NCAM2: variants seen among roughly 807,000 people sequenced by gnomAD.
NCAM2 encodes neural cell adhesion molecule 2.
NCAM2 carries 30 observed loss-of-function variants against 98.1 expected under a neutral mutation model. The observed-to-expected ratio is 0.31, with a 90% confidence interval of 0.23 to 0.41. The LOEUF is 0.41. Among genes scored for constraint, NCAM2 ranks in the 10% least tolerant of loss-of-function variants. The pLI, the probability that NCAM2 is intolerant of heterozygous loss-of-function variation, is 1.00. For missense variants in NCAM2, 867 were observed against 1,005.8 expected (o/e 0.86, Z 1.87); for synonymous variants, 368 against 342.4 (o/e 1.07, Z -0.83).
intron 7 of NCAM2, 127 bp from the exon 8 acceptor site, chr21:21,338,262 A>G (rs1460444307): frequency 3.5e-6 from 3 of 857,636 alleles, no homozygotes; most frequent in Non-Finnish European, 5.2e-6. Context: ...AAAGCAGGCC[A>G]CTGTAATTCT....
chr21:21,146,572 T>TATATATAG (rs2067280952), intron 1 of NCAM2, among the ~76,000 whole-genome samples: 1 of 148,188 alleles, frequency 6.7e-6, no homozygotes, highest in African/African-American at 2.5e-5. Context: ...TATATATATA[T>TATATATAG]ATGGATTATA....
chr21:21,219,901 G>T (rs1034589922), intron 1 of NCAM2, among the ~76,000 whole-genome samples: 1 of 152,060 alleles, frequency 6.6e-6, no homozygotes, highest in Non-Finnish European at 1.5e-5. Flanking sequence ...TAATGTATGT[G>T]TTTGCGTCAC....
chr21:21,390,130 G>A (rs751080369), intron 9 of NCAM2, among the ~76,000 whole-genome samples: 4 of 151,996 alleles, frequency 2.6e-5, no homozygotes, highest in East Asian at 1.9e-4. Context: ...TTACAGGTGC[G>A]AGCCACCGCG....
chr21:21,424,936 T>C (rs2077181968), intron 11 of NCAM2, among the ~76,000 whole-genome samples: 1 of 146,850 alleles, frequency 6.8e-6, no homozygotes, highest in Non-Finnish European at 1.5e-5. Context: ...CTCGGGAGGC[T>C]GAGGCAGGAG....
At chr21:21,389,618 C>A (rs969216013) in intron 9 of NCAM2, among the ~76,000 whole-genome samples, 1 of 152,150 alleles carries the variant, frequency 6.6e-6, no homozygotes, top group African/African-American at 2.4e-5. Flanking sequence ...CTGGTAACCA[C>A]CATTCTATTC....
At chr21:21,504,980 T>C (rs1987888747) in intron 15 of NCAM2, among the ~76,000 whole-genome samples, 1 of 151,986 alleles carries the variant, frequency 6.6e-6, no homozygotes, top group African/African-American at 2.4e-5. Flanking sequence ...ATAATTATTA[T>C]TGACTATAGT....
intron 1 of NCAM2, among the ~76,000 whole-genome samples, chr21:21,207,229 T>C (rs2069470810): frequency 6.6e-6 from 1 of 152,170 alleles, no homozygotes; most frequent in Admixed American, 6.6e-5. Flanking sequence ...GTCTTATTCA[T>C]TGGGAAAAGC....
intron 9 of NCAM2, among the ~76,000 whole-genome samples, chr21:21,388,064 T>C (rs1431604084): frequency 1.3e-5 from 2 of 152,210 alleles, no homozygotes; most frequent in Admixed American, 6.5e-5. Flanking sequence ...CTCATTGGTA[T>C]GGATCCAGTA....
At chr21:21,238,895 G>T (rs1049755532) in intron 1 of NCAM2, among the ~76,000 whole-genome samples, 2 of 152,078 alleles carry the variant, frequency 1.3e-5, no homozygotes, top group Non-Finnish European at 2.9e-5. Context: ...ATCACATGGC[G>T]TAATCTTCTC....
intron 1 of NCAM2, among the ~76,000 whole-genome samples, chr21:21,209,484 C>T (rs548314541): frequency 1.1e-4 from 17 of 152,248 alleles, no homozygotes; most frequent in African/African-American, 4.1e-4. Context: ...GTGTGAGCCA[C>T]CATGCCTGGC....
intron 12 of NCAM2, among the ~76,000 whole-genome samples, chr21:21,464,787 G>T (rs371804102): frequency 1.3e-5 from 2 of 152,100 alleles, no homozygotes; most frequent in East Asian, 1.9e-4. Context: ...CTTTTCTGGG[G>T]CTTAAATTAT....
chr21:21,419,873 C>G (rs993181400), intron 11 of NCAM2, among the ~76,000 whole-genome samples: 3 of 151,858 alleles, frequency 2.0e-5, no homozygotes, highest in Admixed American at 1.3e-4. Context: ...TGGGTATATA[C>G]CCAGTAATGG....
intron 1 of NCAM2, among the ~76,000 whole-genome samples, chr21:21,070,027 C>A (rs2065526519): frequency 6.6e-6 from 1 of 152,032 alleles, no homozygotes; most frequent in African/African-American, 2.4e-5. Context: ...TGTATGCATG[C>A]ACGCTGAATA....
At chr21:21,071,678 A>AT (rs1048710680) in intron 1 of NCAM2, among the ~76,000 whole-genome samples, 1 of 152,096 alleles carries the variant, frequency 6.6e-6, no homozygotes, top group African/African-American at 2.4e-5. Flanking sequence ...TGGTTTTAAT[A>AT]TTTTTTTCCT....
chr21:21,451,945 T>C (rs1981138650), intron 12 of NCAM2, among the ~76,000 whole-genome samples: 1 of 152,112 alleles, frequency 6.6e-6, no homozygotes. Context: ...GGGCCACTCA[T>C]ACTACATTCT....
chr21:21,023,470 G>A (rs1162276649), intron 1 of NCAM2, among the ~76,000 whole-genome samples: 1 of 151,546 alleles, frequency 6.6e-6, no homozygotes, highest in African/African-American at 2.4e-5. Context: ...GTTGCAGTGA[G>A]CCAACGTTGT....
rs536226272 is a variant in NCAM2, at chr21:21,512,255, G to T, written c.2282+3200G>T. Among the ~76,000 whole-genome samples the T allele has an allele frequency of 1.2e-4, 18 of 152,030 alleles. 2 individuals carry two copies. The South Asian group carries it at 2.7e-3, about 23-fold the overall frequency. On this transcript the variant is annotated intron_variant, in intron 16 of 17. Coordinates refer to ENST00000400546, the MANE Select transcript of NCAM2 (RefSeq NM_004540.5). The stretch of plus-strand genomic sequence containing the variant: ...TCGATTTAAGTCATTATTCTGTTTT[G>T]ATTTGTTCTTTGTATATGGCAAGAG...
At chr21:21,106,221 T>A (rs2066342252) in intron 1 of NCAM2, among the ~76,000 whole-genome samples, 1 of 149,838 alleles carries the variant, frequency 6.7e-6, no homozygotes, top group South Asian at 2.1e-4. Flanking sequence ...ACTGGGAAGA[T>A]CACCTGAGCC....
At chr21:21,483,217 G>A (rs865899085) in intron 15 of NCAM2, among the ~76,000 whole-genome samples, 1 of 151,904 alleles carries the variant, frequency 6.6e-6, no homozygotes, top group African/African-American at 2.4e-5. Context: ...CTGAAGACAT[G>A]TCTAATTTTA....
Sources: gnomAD v4.1 joint callset for allele counts (sites outside exome capture counted in the v4.1 genomes callset) on GRCh38, gnomAD v4.1.1 for gene constraint, MANE v1.5 for transcripts, NCBI Gene and HGNC (gene_info 2026-07-23, HGNC 2026-07-21) for gene names.